The following ALK variants were observed in gnomAD, a reference collection of about 807,000 sequenced individuals.
The protein encoded by ALK is ALK receptor tyrosine kinase, also known as ALK tyrosine kinase receptor.
A neutral mutation model predicts 163.1 loss-of-function variants in ALK; 74 were observed. The ratio of observed to expected loss-of-function variants is 0.45; its 90% CI spans 0.38 to 0.55. The LOEUF is 0.55. Ranked by LOEUF, ALK falls within the 20% of genes least tolerant of loss-of-function variation. The pLI is 0.00. For synonymous variants in ALK, 960 were observed against 843.2 expected (o/e 1.14, Z -2.40); for missense variants, 2,063 against 2,105.3 (o/e 0.98, Z 0.39).
intron 4 of ALK, among the ~76,000 whole-genome samples, chr2:29,476,710 G>T (rs576675986): frequency 6.6e-6 from 1 of 152,078 alleles, no homozygotes; most frequent in African/African-American, 2.4e-5. Context: ...GACTCAGAGC[G>T]TGTGAGGCTG....
chr2:29,280,392 C>T (rs1297187918), intron 9 of ALK, among the ~76,000 whole-genome samples: 2 of 151,212 alleles, frequency 1.3e-5, no homozygotes, highest in African/African-American at 2.4e-5. Context: ...CTGGTATGTA[C>T]CAGGTGGACC....
At chr2:29,418,640 G>A (rs1169874259) in intron 4 of ALK, among the ~76,000 whole-genome samples, 2 of 152,130 alleles carry the variant, frequency 1.3e-5, no homozygotes, top group Non-Finnish European at 2.9e-5. Flanking sequence ...ACAACATGTG[G>A]TATATGACTT....
At chr2:29,223,866 A>G (rs373536940) in intron 19 of ALK, 30 of 395,614 alleles carry the variant, frequency 7.6e-5, no homozygotes, top group Middle Eastern at 1.4e-3. Flanking sequence ...AGAAATGCCC[A>G]TGAGAGGAAA....
chr2:29,686,433 T>G (rs1678242630), intron 3 of ALK, among the ~76,000 whole-genome samples: 1 of 152,196 alleles, frequency 6.6e-6, no homozygotes, highest in South Asian at 2.1e-4. Flanking sequence ...GAGATTTCTG[T>G]GCCTCACAGG....
chr2:29,243,417 A>G (rs1029177119), intron 12 of ALK, among the ~76,000 whole-genome samples: 3 of 152,230 alleles, frequency 2.0e-5, no homozygotes, highest in Admixed American at 1.3e-4. Context: ...TGTTATGATA[A>G]TTAAATGAGA....
At chr2:29,678,407 ACT>A (rs910453076) in intron 3 of ALK, among the ~76,000 whole-genome samples, 2 of 151,042 alleles carry the variant, frequency 1.3e-5, no homozygotes, top group African/African-American at 4.9e-5. Context: ...TTGAGACTTT[ACT>A]CTTTTTCTAA....
intron 3 of ALK, among the ~76,000 whole-genome samples, chr2:29,609,900 A>G (rs1675644090): frequency 1.3e-5 from 2 of 152,110 alleles, no homozygotes; most frequent in Non-Finnish European, 2.9e-5. Context: ...ATGCAGTCCC[A>G]CCAAGTGCTG....
chr2:29,284,859 A>G (rs890087250), intron 9 of ALK, among the ~76,000 whole-genome samples: 2 of 152,196 alleles, frequency 1.3e-5, no homozygotes, highest in South Asian at 4.1e-4. Flanking sequence ...CACCGGCCGC[A>G]TCTCTTCTCC....
chr2:29,784,369 A>G (rs1663941050), intron 1 of ALK, among the ~76,000 whole-genome samples: 1 of 152,206 alleles, frequency 6.6e-6, no homozygotes, highest in East Asian at 1.9e-4. Context: ...CATCTGTCTC[A>G]TAGGTGAAGA....
chr2:29,256,341 T>C (rs1377913116), intron 11 of ALK, among the ~76,000 whole-genome samples: 1 of 152,120 alleles, frequency 6.6e-6, no homozygotes, highest in South Asian at 2.1e-4. Flanking sequence ...GTGTTTACTG[T>C]GCACCTAATA....
At chr2:29,392,113 T>C (rs936920055) in intron 4 of ALK, among the ~76,000 whole-genome samples, 3 of 152,188 alleles carry the variant, frequency 2.0e-5, no homozygotes, top group Non-Finnish European at 4.4e-5. Context: ...AGATTGACTG[T>C]GTGGTGGGAT....
intron 8 of ALK, among the ~76,000 whole-genome samples, chr2:29,314,149 A>G (rs1666765920): frequency 6.6e-6 from 1 of 152,124 alleles, no homozygotes; most frequent in Non-Finnish European, 1.5e-5. Flanking sequence ...TACAAAATCA[A>G]TCAGAGAGCA....
chr2:29,328,620 G>T, intron 5 of ALK, 139 bp from the exon 6 acceptor site: 1 of 1,192,104 alleles, frequency 8.4e-7, no homozygotes. Context: ...GCCTGATTGA[G>T]ACATCTGCAT....
intron 6 of ALK, among the ~76,000 whole-genome samples, chr2:29,325,599 T>G (rs187957691): frequency 4.3e-4 from 66 of 152,298 alleles, no homozygotes; most frequent in African/African-American, 1.5e-3. Flanking sequence ...GTGCTTATCA[T>G]AGCTAAGTGC....
chr2:29,830,999 A>AGAG (rs1665374439), intron 1 of ALK, among the ~76,000 whole-genome samples: 1 of 50,556 alleles, frequency 2.0e-5, no homozygotes, highest in African/African-American at 6.2e-5. Flanking sequence ...AAGAAGAAGA[A>AGAG]GAAGAAGAAG....
At chr2:29,228,765 T>G in intron 16 of ALK, 119 bp downstream of exon 16, 1 of 735,572 alleles carries the variant, frequency 1.4e-6, no homozygotes, top group Non-Finnish European at 2.5e-6. Context: ...AGGCGTGCAG[T>G]CACATCACAG....
chr2:29,805,825 C>T (rs1165122617), intron 1 of ALK, among the ~76,000 whole-genome samples: 1 of 152,102 alleles, frequency 6.6e-6, no homozygotes, highest in Non-Finnish European at 1.5e-5. Context: ...TTTATGTGTT[C>T]AGGCTGCTGG....
intron 23 of ALK, among the ~76,000 whole-genome samples, chr2:29,217,054 G>C (rs1558619455): frequency 6.8e-6 from 1 of 147,874 alleles, no homozygotes; most frequent in Non-Finnish European, 1.5e-5. Flanking sequence ...TGTGTGGTGT[G>C]TGTTGTATGT....
intron 9 of ALK, chr2:29,286,665 T>G (rs1282211710): frequency 6.6e-6 from 1 of 151,292 alleles, no homozygotes; most frequent in African/African-American, 2.4e-5. Flanking sequence ...AAATGACAAA[T>G]TCGGGGGTGG....
Sources: allele counts gnomAD v4.1 joint callset (sites outside exome capture counted in the v4.1 genomes callset), GRCh38; gene constraint gnomAD v4.1.1; transcripts MANE v1.5; gene names NCBI Gene and HGNC (gene_info 2026-07-23, HGNC 2026-07-21).